The following PLPP1 variants were observed in gnomAD, a reference collection of about 807,000 sequenced individuals.
PLPP1 encodes phospholipid phosphatase 1, also known as lipid phosphate phosphohydrolase 1a.
A neutral mutation model predicts 31.2 loss-of-function variants in PLPP1; 24 were observed. The ratio of observed to expected loss-of-function variants is 0.77; its 90% CI spans 0.56 to 1.08. PLPP1 has a LOEUF of 1.08. PLPP1 is among the 50% of genes least tolerant of loss of function. The pLI is 0.00. For synonymous variants in PLPP1, 146 were observed against 126.3 expected, an observed-to-expected ratio of 1.16 and a Z score of -1.05; for missense variants, 319 against 342.7, an observed-to-expected ratio of 0.93 and a Z score of 0.55.
chr5:55,499,066 A>G (rs1197527735), intron 1 of PLPP1, among the ~76,000 whole-genome samples: 4 of 152,338 alleles, frequency 2.6e-5, no homozygotes, highest in Non-Finnish European at 5.9e-5. Context: ...TCCCTGCAGG[A>G]AAGTAGAGGG....
chr5:55,426,108 G>T, intron 4 of PLPP1, 69 bp from the exon 5 acceptor site: 2 of 1,342,494 alleles, frequency 1.5e-6, no homozygotes, highest in Non-Finnish European at 2.0e-6. Flanking sequence ...TTAAGGAAGG[G>T]TTGGCATTTG....
intron 1 of PLPP1, among the ~76,000 whole-genome samples, chr5:55,532,813 C>T (rs1240383482): frequency 6.6e-6 from 1 of 151,888 alleles, no homozygotes; most frequent in Non-Finnish European, 1.5e-5. Context: ...GAAAGTTAGC[C>T]GGGCATGGTG....
At chr5:55,479,871 T>C (rs182852679) in intron 1 of PLPP1, among the ~76,000 whole-genome samples, 5 of 152,338 alleles carry the variant, frequency 3.3e-5, no homozygotes, top group Admixed American at 2.6e-4. Context: ...GATTACCCTA[T>C]GTGATGCTAT....
At chr5:55,446,968 C>A (rs1751780395) in intron 3 of PLPP1, among the ~76,000 whole-genome samples, 1 of 152,232 alleles carries the variant, frequency 6.6e-6, no homozygotes, top group African/African-American at 2.4e-5. Context: ...AAGGACCACA[C>A]TGGATCTACA....
At chr5:55,477,393 TTTC>T (rs1218419194) in intron 1 of PLPP1, among the ~76,000 whole-genome samples, 2 of 53,512 alleles carry the variant, frequency 3.7e-5, no homozygotes, top group Admixed American at 3.0e-4. Flanking sequence ...TCTTTTTTCT[TTTC>T]TTTTTTTTTT....
chr5:55,465,413 A>T (rs1302250968), intron 3 of PLPP1, among the ~76,000 whole-genome samples: 1 of 152,148 alleles, frequency 6.6e-6, no homozygotes, highest in Non-Finnish European at 1.5e-5. Context: ...TTATATGGTT[A>T]AGTTATAGAT....
intron 4 of PLPP1, among the ~76,000 whole-genome samples, chr5:55,432,219 C>T (rs1275301964): frequency 2.0e-5 from 3 of 151,752 alleles, no homozygotes; most frequent in African/African-American, 7.3e-5. Context: ...CTGGGACTAC[C>T]GGCATAAGCT....
chr5:55,451,494 T>A (rs1751890414), intron 3 of PLPP1, among the ~76,000 whole-genome samples: 1 of 151,974 alleles, frequency 6.6e-6, no homozygotes, highest in African/African-American at 2.4e-5. Context: ...CCAGACGATG[T>A]CACTACAGCT....
chr5:55,497,328 C>A (rs1016471043), intron 1 of PLPP1, among the ~76,000 whole-genome samples: 6 of 152,076 alleles, frequency 3.9e-5, no homozygotes, highest in African/African-American at 1.4e-4. Flanking sequence ...TCATTGTAAC[C>A]TTGAACTCTT....
At chr5:55,478,652 G>C (rs2111820086) in intron 1 of PLPP1, among the ~76,000 whole-genome samples, 1 of 152,212 alleles carries the variant, frequency 6.6e-6, no homozygotes, top group East Asian at 1.9e-4. Context: ...AAGATGAGGA[G>C]AGGAAGAAGA....
chr5:55,457,829 C>T (rs559698415), intron 3 of PLPP1, among the ~76,000 whole-genome samples: 19 of 149,954 alleles, frequency 1.3e-4, no homozygotes, highest in Admixed American at 3.3e-4. Context: ...GCAGAGGTTG[C>T]AGTGAGCCAA....
At chr5:55,430,924 G>T (rs1368558056) in intron 4 of PLPP1, among the ~76,000 whole-genome samples, 1 of 152,060 alleles carries the variant, frequency 6.6e-6, no homozygotes, top group Non-Finnish European at 1.5e-5. Flanking sequence ...TGAAATTGAT[G>T]AATTCATTGA....
chr5:55,444,112 C>T (rs1219124660), intron 3 of PLPP1, among the ~76,000 whole-genome samples: 3 of 148,764 alleles, frequency 2.0e-5, no homozygotes, highest in Non-Finnish European at 3.0e-5. Flanking sequence ...GACAGAGTCT[C>T]ACTGTATTGC....
At chr5:55,465,644 G>T (rs898171576) in intron 3 of PLPP1, among the ~76,000 whole-genome samples, 2 of 152,150 alleles carry the variant, frequency 1.3e-5, no homozygotes, top group African/African-American at 4.8e-5. Context: ...GTGGGCCACA[G>T]GTTGGATAAG....
At chr5:55,452,006 G>GA (rs913770611) in intron 3 of PLPP1, among the ~76,000 whole-genome samples, 7 of 151,700 alleles carry the variant, frequency 4.6e-5, no homozygotes, top group African/African-American at 7.3e-5. Flanking sequence ...ACAAGTATAG[G>GA]AAAAAAAACA....
rs570131029 is a variant in PLPP1 at position 55,427,595 on chromosome 5, T to TTAAGA, written c.550-1561_550-1557dup. 1.8e-4 allele frequency among the ~76,000 whole-genome samples: 28 copies of TTAAGA among 152,298 alleles called. No individual in the cohort carries two copies. The East Asian group carries it at 3.5e-3, about 19-fold the overall frequency. On this transcript the variant is annotated intron_variant, in intron 4 of 5. Transcript: ENST00000307259. The stretch of plus-strand genomic sequence containing the variant: ...CTAGGACTCCAAGGTCTTTCCTCTT[T>TTAAGA]TAAGATTCTAAAATCCCTGTAGCAA...
At position 55,425,123 on chromosome 5, in the gene PLPP1, GAAGA is replaced by G; in HGVS notation, c.*79_*82del. ...AAGTCTTTAAAGGCTTGTACACCAG[GAAGA>G]AAGATGCATCCTCTTGCCTTGTGGC... On this transcript the variant is annotated 3_prime_UTR_variant, in exon 6 of 6. Coordinates refer to ENST00000307259, the MANE Select transcript of PLPP1 (RefSeq NM_003711.4). 6.7e-7 allele frequency: 1 copy of G among 1,497,708 alleles called. No individual in the cohort carries two copies. Among genetic ancestry groups the G allele is most frequent in the Non-Finnish European group, 9.0e-7 (1 of 1,109,984 alleles). The allele number at this position is 1,497,708 out of a possible 1,614,324, so 92.8% of individuals were successfully genotyped here. A position where few individuals can be genotyped will look rare whatever the true frequency, so the allele number is the denominator to read the frequency against.
intron 1 of PLPP1, among the ~76,000 whole-genome samples, chr5:55,486,681 G>A (rs554129728): frequency 3.9e-5 from 6 of 152,208 alleles, no homozygotes; most frequent in Admixed American, 1.3e-4. Context: ...TTGGGAGGCC[G>A]AGGCGGGCAG....
chr5:55,453,940 C>CA (rs201630787), intron 3 of PLPP1, among the ~76,000 whole-genome samples: 5 of 150,142 alleles, frequency 3.3e-5, no homozygotes, highest in Non-Finnish European at 5.9e-5. Context: ...GACTCTGTCT[C>CA]AAAAAAAAAG....
Sources: allele counts gnomAD v4.1 joint callset (sites outside exome capture counted in the v4.1 genomes callset), GRCh38; gene constraint gnomAD v4.1.1; transcripts MANE v1.5; gene names NCBI Gene and HGNC (gene_info 2026-07-23, HGNC 2026-07-21).